Variants in RSPO2 observed in about 807,000 individuals in gnomAD.
RSPO2 encodes the protein R-spondin 2, also known as R-spondin-2.
A neutral mutation model predicts 30.9 loss-of-function variants in RSPO2; 14 were observed. The ratio of observed to expected loss-of-function variants is 0.45; its 90% CI spans 0.30 to 0.71. The LOEUF is 0.71. Ranked by LOEUF, RSPO2 falls within the 30% of genes least tolerant of loss-of-function variation. The probability of loss-of-function intolerance (pLI) is 0.08; values close to 1 mark genes in which losing one functional copy is unlikely to be tolerated. For missense variants in RSPO2, 264 were observed against 301.9 expected, an observed-to-expected ratio of 0.87 and a Z score of 0.93; for synonymous variants, 107 against 96.4, an observed-to-expected ratio of 1.11 and a Z score of -0.64.
At chr8:107,966,402 A>G (rs1443820560) in intron 3 of RSPO2, among the ~76,000 whole-genome samples, 1 of 152,168 alleles carries the variant, frequency 6.6e-6, no homozygotes, top group Non-Finnish European at 1.5e-5. Context: ...CTCTACAGAG[A>G]GGCAATTAGG....
chr8:108,000,970 C>A (rs1242820765), intron 2 of RSPO2, among the ~76,000 whole-genome samples: 1 of 151,032 alleles, frequency 6.6e-6, no homozygotes, highest in Middle Eastern at 3.2e-3. Context: ...CCACTGCACT[C>A]CAGCCTGGGT....
chr8:107,984,932 A>G (rs1814574174), intron 3 of RSPO2, among the ~76,000 whole-genome samples: 1 of 152,164 alleles, frequency 6.6e-6, no homozygotes, highest in Non-Finnish European at 1.5e-5. Context: ...CTACTTTGTA[A>G]TAGTTCATTA....
intron 2 of RSPO2, among the ~76,000 whole-genome samples, chr8:107,989,847 A>T (rs1814786228): frequency 6.6e-6 from 1 of 152,196 alleles, no homozygotes; most frequent in Non-Finnish European, 1.5e-5. Context: ...AAAAATAAAT[A>T]AATATAGAAT....
chr8:107,928,993 A>T (rs1308642722), intron 5 of RSPO2, among the ~76,000 whole-genome samples: 1 of 152,164 alleles, frequency 6.6e-6, no homozygotes. Flanking sequence ...CATATAAATC[A>T]ATCTAACTCA....
intron 3 of RSPO2, among the ~76,000 whole-genome samples, chr8:107,962,667 C>T (rs1223830761): frequency 6.6e-6 from 1 of 152,040 alleles, no homozygotes; most frequent in Non-Finnish European, 1.5e-5. Flanking sequence ...ATTATGTCCA[C>T]AAATTGTTAG....
chr8:108,015,267 A>T lies in RSPO2; in HGVS notation c.95-26023T>A, dbSNP rs116407355. Among the ~76,000 whole-genome samples, 570 of 152,300 alleles carry T rather than the reference A, an allele frequency of 3.7e-3. 2 individuals are homozygous for T. The highest frequency in any genetic ancestry group is 0.013 in the African/African-American group (537 of 41,562). On this transcript the variant is annotated intron_variant, in intron 2 of 5. Coordinates refer to ENST00000276659, the MANE Select transcript of RSPO2 (RefSeq NM_178565.5). ...CTAGCCTTAGGGGAAAAAATAACCC[A>T]TATCACCATTCTCCTGAGCAGGTTA... is the stretch of plus-strand genomic sequence containing the variant.
chr8:108,060,427 G>A (rs1157595666), intron 2 of RSPO2, among the ~76,000 whole-genome samples: 1 of 151,784 alleles, frequency 6.6e-6, no homozygotes, highest in African/African-American at 2.4e-5. Flanking sequence ...TGGAAAAAGG[G>A]TATCAGTGAT....
At chr8:107,983,571 A>G in intron 3 of RSPO2, 1 of 1,600,480 alleles carries the variant, frequency 6.2e-7, no homozygotes, top group Non-Finnish European at 8.6e-7. Flanking sequence ...GTGAGCCAGC[A>G]GAGCCATGTA....
intron 2 of RSPO2, among the ~76,000 whole-genome samples, chr8:108,037,481 A>G (rs749320279): frequency 2.0e-4 from 30 of 152,222 alleles, no homozygotes; most frequent in Non-Finnish European, 4.0e-4. Flanking sequence ...ATGAAAGTGC[A>G]AAGTGAAACA....
At chr8:108,036,010 C>T (rs540680124) in intron 2 of RSPO2, among the ~76,000 whole-genome samples, 52 of 152,166 alleles carry the variant, frequency 3.4e-4, no homozygotes, top group Admixed American at 5.2e-4. Flanking sequence ...GGCATACTGT[C>T]CTCCAAGTAT....
chr8:107,998,854 C>G (rs151290232), intron 2 of RSPO2, among the ~76,000 whole-genome samples: 1,861 of 152,136 alleles, frequency 0.012, 43 homozygotes, highest in African/African-American at 0.043. Context: ...TCAAGACCAG[C>G]CTGGCTAACA....
intron 3 of RSPO2, among the ~76,000 whole-genome samples, chr8:107,968,455 G>C (rs1270057715): frequency 6.6e-6 from 1 of 152,090 alleles, no homozygotes; most frequent in Non-Finnish European, 1.5e-5. Flanking sequence ...AACGGAAGGG[G>C]ATGAAGAGAA....
At chr8:108,026,684 T>C (rs1174279404) in intron 2 of RSPO2, among the ~76,000 whole-genome samples, 1 of 152,028 alleles carries the variant, frequency 6.6e-6, no homozygotes, top group East Asian at 1.9e-4. Flanking sequence ...CTGGCCAATA[T>C]GTTGAAACCC....
chr8:108,022,963 T>C (rs1327218110), intron 2 of RSPO2, among the ~76,000 whole-genome samples: 1 of 147,714 alleles, frequency 6.8e-6, no homozygotes, highest in Non-Finnish European at 1.5e-5. Flanking sequence ...ACACTCACAG[T>C]AGTTGCATCT....
chr8:108,019,594 T>C (rs1186094406), intron 2 of RSPO2, among the ~76,000 whole-genome samples: 5 of 152,124 alleles, frequency 3.3e-5, no homozygotes. Flanking sequence ...CCTTTAATGG[T>C]TTTGTTTTTT....
At chr8:108,004,370 C>A (rs576999413) in intron 2 of RSPO2, among the ~76,000 whole-genome samples, 1 of 152,304 alleles carries the variant, frequency 6.6e-6, no homozygotes, top group East Asian at 1.9e-4. Context: ...GGGCCACTCT[C>A]CTCACTGTCT....
chr8:108,046,085 A>G (rs1302989940), intron 2 of RSPO2, among the ~76,000 whole-genome samples: 1 of 152,186 alleles, frequency 6.6e-6, no homozygotes, highest in Non-Finnish European at 1.5e-5. Context: ...GTACTACTCC[A>G]GACAATGCAA....
intron 5 of RSPO2, among the ~76,000 whole-genome samples, chr8:107,916,775 A>T (rs938255188): frequency 5.9e-5 from 9 of 152,192 alleles, no homozygotes; most frequent in Non-Finnish European, 7.4e-5. Flanking sequence ...ATTAAAATAA[A>T]AGCACACTAA....
At chr8:108,025,082 T>C (rs2130620477) in intron 2 of RSPO2, among the ~76,000 whole-genome samples, 1 of 152,244 alleles carries the variant, frequency 6.6e-6, no homozygotes, top group African/African-American at 2.4e-5. Flanking sequence ...AATTTATAAG[T>C]GTATATATGT....
Sources: gnomAD v4.1 joint callset for allele counts (sites outside exome capture counted in the v4.1 genomes callset) on GRCh38, gnomAD v4.1.1 for gene constraint, MANE v1.5 for transcripts, NCBI Gene and HGNC (gene_info 2026-07-23, HGNC 2026-07-21) for gene names.